Variants in DENND6A observed in about 807,000 individuals in gnomAD.
The protein encoded by DENND6A is DENN domain containing 6A, also known as protein DENND6A.
Under a neutral mutation model 95.5 loss-of-function variants are expected in DENND6A, and 43 were observed. The ratio of observed to expected loss-of-function variants is 0.45; its 90% CI spans 0.35 to 0.58. The LOEUF (loss-of-function observed/expected upper bound fraction) is 0.58, where lower values mean the gene tolerates loss of function less well. Among genes scored for constraint, DENND6A ranks in the 20% least tolerant of loss-of-function variants. The pLI, the probability that DENND6A is intolerant of heterozygous loss-of-function variation, is 0.00. For synonymous variants in DENND6A, 257 were observed against 260.4 expected (o/e 0.99, Z 0.13); for missense variants, 574 against 736.0 (o/e 0.78, Z 2.55).
chr3:57,643,883 C>T (rs1016296643), intron 11 of DENND6A, among the ~76,000 whole-genome samples: 3 of 151,336 alleles, frequency 2.0e-5, no homozygotes, highest in Admixed American at 6.6e-5. Flanking sequence ...GGCGTGGTGG[C>T]TCATGCCTGT....
chr3:57,659,383 C>T (rs1329120971), intron 7 of DENND6A, among the ~76,000 whole-genome samples: 2 of 151,776 alleles, frequency 1.3e-5, no homozygotes, highest in African/African-American at 4.8e-5. Context: ...TACCCACACA[C>T]ACACAGTAAT....
chr3:57,640,853 A>G (rs2070914969), intron 12 of DENND6A, among the ~76,000 whole-genome samples: 1 of 152,094 alleles, frequency 6.6e-6, no homozygotes, highest in Admixed American at 6.6e-5. Context: ...TTAATGTACC[A>G]TTTAGTTGTC....
chr3:57,674,749 A>G (rs2071681292), intron 1 of DENND6A, among the ~76,000 whole-genome samples: 1 of 152,266 alleles, frequency 6.6e-6, no homozygotes, highest in Non-Finnish European at 1.5e-5. Context: ...GACTGGATAA[A>G]GAAAATGTGG....
chr3:57,637,194 G>C (rs1451443544), intron 12 of DENND6A, among the ~76,000 whole-genome samples: 1 of 152,118 alleles, frequency 6.6e-6, no homozygotes, highest in African/African-American at 2.4e-5. Context: ...TAAAGCATGG[G>C]CAGAACTTGA....
intron 8 of DENND6A, among the ~76,000 whole-genome samples, chr3:57,657,964 T>C (rs2071358796): frequency 6.6e-6 from 1 of 152,098 alleles, no homozygotes; most frequent in Admixed American, 6.6e-5. Context: ...CGGCCAGGCA[T>C]GACAGCTCAT....
At chr3:57,681,621 T>TAAA (rs35245886) in intron 1 of DENND6A, among the ~76,000 whole-genome samples, 5 of 119,656 alleles carry the variant, frequency 4.2e-5, no homozygotes, top group Middle Eastern at 4.1e-3. Flanking sequence ...AAGACCCTGT[T>TAAA]AAAAAAAAAA....
intron 11 of DENND6A, among the ~76,000 whole-genome samples, chr3:57,642,520 T>C (rs955331393): frequency 2.0e-5 from 3 of 151,996 alleles, no homozygotes; most frequent in African/African-American, 7.2e-5. Context: ...GGCCTGTCTG[T>C]AGAACTACAC....
rs576982131 is a variant in DENND6A, at chr3:57,637,500, G to A, written c.1133-2731C>T. The stretch of plus-strand genomic sequence containing the variant: ...CTTCCCTCTTGGTTCTAAAGAAGAT[G>A]TTTTTTTCTCTAATTTTACTGACCC... On this transcript the variant is annotated intron_variant, in intron 12 of 19. Coordinates refer to ENST00000311128, the MANE Select transcript of DENND6A (RefSeq NM_152678.3). Among the ~76,000 whole-genome samples the A allele has an allele frequency of 3.9e-4, 60 of 151,994 alleles. No homozygotes were observed. The South Asian group carries it at 9.8e-3, about 25-fold the overall frequency.
intron 12 of DENND6A, among the ~76,000 whole-genome samples, chr3:57,635,825 T>C (rs911074836): frequency 3.0e-4 from 45 of 152,182 alleles, no homozygotes; most frequent in African/African-American, 1.0e-3. Flanking sequence ...CATATTCACT[T>C]ATACATGATT....
At chr3:57,674,619 C>T (rs1027801294) in intron 1 of DENND6A, among the ~76,000 whole-genome samples, 3 of 152,148 alleles carry the variant, frequency 2.0e-5, no homozygotes, top group African/African-American at 7.2e-5. Context: ...GCCTGGGCTA[C>T]AGAGCAAGAC....
At chr3:57,688,165 T>C (rs1276934318) in intron 1 of DENND6A, among the ~76,000 whole-genome samples, 2 of 151,954 alleles carry the variant, frequency 1.3e-5, no homozygotes, top group Non-Finnish European at 2.9e-5. Context: ...TGCCTATTTT[T>C]GTATTTTTTT....
intron 4 of DENND6A, among the ~76,000 whole-genome samples, chr3:57,665,286 T>C (rs1296007652): frequency 6.6e-6 from 1 of 152,184 alleles, no homozygotes; most frequent in East Asian, 1.9e-4. Context: ...GGCAACACTG[T>C]ATAAGGTATA....
intron 18 of DENND6A, among the ~76,000 whole-genome samples, chr3:57,629,555 A>G (rs1433476675): frequency 1.6e-5 from 2 of 121,568 alleles, no homozygotes; most frequent in African/African-American, 6.5e-5. Flanking sequence ...TCTGTCGCCC[A>G]GGCTGGAGCA....
In DENND6A at chr3:57,646,342, T is replaced by C. The variant is rs202214359; in HGVS notation, c.915A>G (p.Ser305=). The C allele has an allele frequency of 6.2e-7, 1 of 1,613,440 alleles. No homozygotes were observed. Among genetic ancestry groups the C allele is most frequent in the South Asian group, 1.1e-5 (1 of 91,026 alleles). Residue 305 remains serine, a synonymous_variant, in exon 10 of 20, where the codon TCA becomes TCG. Coordinates refer to ENST00000311128, the MANE Select transcript of DENND6A (RefSeq NM_152678.3). ...TAACAAGTGCCAATACAGTCTCTGA[T>C]GATTCCGATGGTGATGGCGCCATAA... is the stretch of plus-strand genomic sequence containing the variant. ...LVVMAPSPSE[S]SETVLALVNC...
intron 3 of DENND6A, among the ~76,000 whole-genome samples, chr3:57,670,921 T>C (rs1441334122): frequency 1.3e-5 from 2 of 152,170 alleles, no homozygotes; most frequent in East Asian, 3.9e-4. Context: ...TATGTACAGA[T>C]TTTATAAGAA....
At position 57,659,189 on chromosome 3, in the gene DENND6A, A is replaced by C; in HGVS notation, c.700-9T>G. 2 of 1,613,886 alleles carry C rather than the reference A, an allele frequency of 1.2e-6. No individual in the cohort carries two copies. The highest frequency in any genetic ancestry group is 1.7e-6 in the Non-Finnish European group (2 of 1,179,852). Reference sequence around the variant, plus strand: ...CATGTGGGAATCCGTACCTAAAAGAAAGACAGGAAATTATTTTTGGTTATA... The same window carrying C: ...CATGTGGGAATCCGTACCTAAAAGACAGACAGGAAATTATTTTTGGTTATA... On this transcript the variant is annotated splice_polypyrimidine_tract_variant and intron_variant, in intron 7 of 19. Transcript: ENST00000311128.
At chr3:57,643,158 T>C (rs541066530) in intron 11 of DENND6A, among the ~76,000 whole-genome samples, 46 of 151,970 alleles carry the variant, frequency 3.0e-4, no homozygotes, top group African/African-American at 9.7e-4. Context: ...ATAAGAAATG[T>C]AATCAGAGAT....
chr3:57,681,421 G>A (rs1480171009), intron 1 of DENND6A, among the ~76,000 whole-genome samples: 4 of 151,698 alleles, frequency 2.6e-5, no homozygotes, highest in African/African-American at 7.3e-5. Context: ...CCGAGATCAC[G>A]CCACTGCACT....
rs2077287477 is a variant in DENND6A at position 57,693,071 on chromosome 3, C to T, written c.-53G>A. On this transcript the variant is annotated 5_prime_UTR_variant, in exon 1 of 20. Coordinates refer to ENST00000311128, the MANE Select transcript of DENND6A (RefSeq NM_152678.3). ...CTCCACAGCGGACCGCGCCGCAGAG[C>T]GCGCTTGCCTCCGCGCAGGCGCAGA... 2 of 1,322,868 alleles carry T rather than the reference C, an allele frequency of 1.5e-6. No homozygotes were observed. The highest frequency in any genetic ancestry group is 1.9e-6 in the Non-Finnish European group (2 of 1,035,492). The allele number at this position is 1,322,868 out of a possible 1,614,324, so 81.9% of individuals were successfully genotyped here.
Sources: gnomAD v4.1 joint callset for allele counts (sites outside exome capture counted in the v4.1 genomes callset) on GRCh38, gnomAD v4.1.1 for gene constraint, MANE v1.5 for transcripts, NCBI Gene and HGNC (gene_info 2026-07-23, HGNC 2026-07-21) for gene names.